MYO16: variants seen among roughly 807,000 people sequenced by gnomAD.
The protein encoded by MYO16 is unconventional myosin-XVI.
Under a neutral mutation model 205.3 loss-of-function variants are expected in MYO16, and 94 were observed. The ratio of observed to expected loss-of-function variants is 0.46; its 90% CI spans 0.39 to 0.54. The LOEUF (loss-of-function observed/expected upper bound fraction) is 0.54. MYO16 is among the 20% of genes least tolerant of loss of function. MYO16 has a pLI of 0.00. For missense variants in MYO16, 2,315 were observed against 2,387.5 expected, an observed-to-expected ratio of 0.97 and a Z score of 0.63; for synonymous variants, 988 against 954.0, an observed-to-expected ratio of 1.04 and a Z score of -0.66.
intron 28 of MYO16, among the ~76,000 whole-genome samples, chr13:109,102,392 G>A (rs559512548): frequency 4.6e-5 from 7 of 152,050 alleles, no homozygotes; most frequent in East Asian, 1.9e-4. Context: ...AGTAGTCCAC[G>A]GATGATGTAA....
chr13:109,090,475 G>A (rs751186168), intron 27 of MYO16, among the ~76,000 whole-genome samples: 2 of 152,232 alleles, frequency 1.3e-5, no homozygotes, highest in Non-Finnish European at 2.9e-5. Flanking sequence ...GCCAGGGATT[G>A]TGGGGAGATG....
chr13:108,798,934 C>T (rs7326453), intron 6 of MYO16, among the ~76,000 whole-genome samples: 124,476 of 146,580 alleles, frequency 0.85, 53,445 homozygotes, highest in East Asian at 1. Context: ...CTCGATCTCC[C>T]GACCTCATGA....
At chr13:109,197,963 C>A (rs1880228882) in intron 34 of MYO16, among the ~76,000 whole-genome samples, 2 of 152,104 alleles carry the variant, frequency 1.3e-5, no homozygotes, top group Admixed American at 1.3e-4. Context: ...TGTGTTTTTC[C>A]CACTTTATGC....
the MYO16 span, among the ~76,000 whole-genome samples, chr13:108,517,351 A>G: frequency 6.6e-6 from 1 of 152,220 alleles, no homozygotes; most frequent in Non-Finnish European, 1.5e-5. Context: ...TGAATATCCT[A>G]GAATGTAAAT....
At chr13:108,836,574 A>G (rs57290491) in intron 9 of MYO16, among the ~76,000 whole-genome samples, 3,787 of 152,244 alleles carry the variant, frequency 0.025, 150 homozygotes, top group African/African-American at 0.086. Context: ...CAGACCCTCA[A>G]TGCCAGCCCA....
chr13:108,613,511 C>A (rs533660613), intron 1 of MYO16, among the ~76,000 whole-genome samples: 1 of 152,088 alleles, frequency 6.6e-6, no homozygotes, highest in Non-Finnish European at 1.5e-5. Context: ...CCCAATCACT[C>A]TATGCAGCCA....
intron 2 of MYO16, among the ~76,000 whole-genome samples, chr13:108,699,616 C>T (rs1883223596): frequency 6.6e-6 from 1 of 152,152 alleles, no homozygotes; most frequent in Admixed American, 6.5e-5. Context: ...TGTCACTTTA[C>T]ATCTGTCCTG....
At chr13:108,896,687 C>T (rs1456325791) in intron 14 of MYO16, among the ~76,000 whole-genome samples, 1 of 151,970 alleles carries the variant, frequency 6.6e-6, no homozygotes, top group African/African-American at 2.4e-5. Context: ...ATCAAAGCAG[C>T]CGCGCGTGGT....
At chr13:108,820,113 A>T (rs1189861274) in intron 7 of MYO16, among the ~76,000 whole-genome samples, 2 of 152,208 alleles carry the variant, frequency 1.3e-5, no homozygotes, top group African/African-American at 4.8e-5. Context: ...TTAAATCCTT[A>T]TTGGATAAAT....
At chr13:109,145,699 G>A (rs1169022504) in intron 32 of MYO16, among the ~76,000 whole-genome samples, 2 of 152,148 alleles carry the variant, frequency 1.3e-5, no homozygotes, top group Admixed American at 6.6e-5. Context: ...TATGAGACCC[G>A]ATTCAAATGG....
intron 34 of MYO16, among the ~76,000 whole-genome samples, chr13:109,199,176 T>G (rs1880285192): frequency 7.7e-6 from 1 of 130,492 alleles, no homozygotes; most frequent in South Asian, 2.5e-4. Context: ...CTCAAGTAAA[T>G]GGTTTAATAA....
intron 20 of MYO16, among the ~76,000 whole-genome samples, chr13:108,986,034 C>T (rs1237359706): frequency 1.3e-5 from 2 of 152,120 alleles, no homozygotes; most frequent in Non-Finnish European, 2.9e-5. Flanking sequence ...GGAGCAGAGG[C>T]ACATCTTACA....
At chr13:108,956,237 A>T (rs1883343396) in intron 16 of MYO16, among the ~76,000 whole-genome samples, 1 of 152,072 alleles carries the variant, frequency 6.6e-6, no homozygotes, top group Admixed American at 6.6e-5. Context: ...CCAGACAGAG[A>T]CTTGCTACTC....
chr13:108,886,758 G>A (rs1879916547), intron 13 of MYO16, among the ~76,000 whole-genome samples: 1 of 152,038 alleles, frequency 6.6e-6, no homozygotes, highest in Admixed American at 6.5e-5. Context: ...GTAAGCACTC[G>A]TGGGGCGGGT....
At chr13:108,880,907 T>C (rs547595563) in intron 12 of MYO16, among the ~76,000 whole-genome samples, 7 of 152,304 alleles carry the variant, frequency 4.6e-5, no homozygotes, top group African/African-American at 1.7e-4. Context: ...AAGAAAGTCA[T>C]TGGTAGCTTG....
At chr13:109,088,596 C>T (rs756550602) in intron 27 of MYO16, among the ~76,000 whole-genome samples, 4 of 152,126 alleles carry the variant, frequency 2.6e-5, no homozygotes, top group South Asian at 2.1e-4. Context: ...GAGGAGAGAC[C>T]CCCTGGCTTA....
intron 4 of MYO16, among the ~76,000 whole-genome samples, chr13:108,755,408 A>T (rs1375983448): frequency 6.6e-6 from 1 of 152,166 alleles, no homozygotes; most frequent in Admixed American, 6.5e-5. Flanking sequence ...TTTTTATGAG[A>T]TAATTCTCAA....
chr13:109,185,114 A>C (rs1285251360), intron 34 of MYO16, among the ~76,000 whole-genome samples: 2 of 152,186 alleles, frequency 1.3e-5, no homozygotes, highest in Non-Finnish European at 2.9e-5. Flanking sequence ...ATATTTCTGC[A>C]AGCTCACCTT....
In MYO16 at chr13:108,961,561, T is replaced by A; in HGVS notation, c.2060T>A (p.Ile687Asn). The change falls in exon 18 of 35, where the codon ATT becomes AAT. Residue 687 changes from isoleucine (I) to asparagine (N), a missense_variant. This residue lies in a region of MYO16 where 1,213 missense variants were observed against 1,274.4 expected (regional missense o/e 0.95). Coordinates refer to ENST00000457511, the MANE Select transcript of MYO16 (RefSeq NM_001198950.3). ...TAGGAGGTGGAGAATCTGTTCGTAA[T>A]TCTAGCAGCAATATTGCACCTTGGA... ...SSLEVENLFV[I>N]LAAILHLGDI... 6.2e-7 allele frequency: 1 copy of A among 1,614,010 alleles called. No individual in the cohort carries two copies. The highest frequency in any genetic ancestry group is 8.5e-7 in the Non-Finnish European group (1 of 1,179,856).
Sources: allele counts gnomAD v4.1 joint callset (sites outside exome capture counted in the v4.1 genomes callset), GRCh38; gene constraint gnomAD v4.1.1; regional missense constraint gnomAD v4.1.1; transcripts MANE v1.5; gene names NCBI Gene and HGNC (gene_info 2026-07-23, HGNC 2026-07-21).